DPP10: variants seen among roughly 807,000 people sequenced by gnomAD.
DPP10 encodes dipeptidyl peptidase like 10.
In DPP10, 33 loss-of-function variants were observed where a neutral mutation model predicts 120.9. The observed-to-expected ratio is 0.27, with a 90% confidence interval of 0.21 to 0.37. The LOEUF (loss-of-function observed/expected upper bound fraction) is 0.37. Among genes scored for constraint, DPP10 ranks in the 10% least tolerant of loss-of-function variants. The pLI, the probability that DPP10 is intolerant of heterozygous loss-of-function variation, is 1.00. For missense variants in DPP10, 816 were observed against 942.8 expected (o/e 0.87, Z 1.76); for synonymous variants, 337 against 326.1 (o/e 1.03, Z -0.36).
At chr2:115,464,869 A>G (rs776763533) in intron 3 of DPP10, among the ~76,000 whole-genome samples, 1 of 152,154 alleles carries the variant, frequency 6.6e-6, no homozygotes, top group Non-Finnish European at 1.5e-5. Flanking sequence ...TCTAAGGTTC[A>G]TACTTACTCA....
intron 1 of DPP10, among the ~76,000 whole-genome samples, chr2:114,899,447 C>A (rs2106634412): frequency 6.6e-6 from 1 of 152,134 alleles, no homozygotes; most frequent in East Asian, 1.9e-4. Context: ...CCTCCATGTG[C>A]CCCTTCTCAA....
intron 1 of DPP10, among the ~76,000 whole-genome samples, chr2:114,624,514 T>C (rs1694345297): frequency 6.6e-6 from 1 of 151,950 alleles, no homozygotes; most frequent in Admixed American, 6.6e-5. Context: ...TCAAACCCCA[T>C]CTGTCACTTA....
At chr2:115,830,587 G>T (rs1361957816) in intron 21 of DPP10, among the ~76,000 whole-genome samples, 2 of 152,114 alleles carry the variant, frequency 1.3e-5, no homozygotes, top group Non-Finnish European at 2.9e-5. Context: ...ATTTAGTTCA[G>T]TAAGGAGAGC....
intron 1 of DPP10, among the ~76,000 whole-genome samples, chr2:114,996,475 T>A (rs1440436158): frequency 6.6e-6 from 1 of 152,212 alleles, no homozygotes; most frequent in Non-Finnish European, 1.5e-5. Flanking sequence ...TACTAGAATA[T>A]AAAATTATAT....
At chr2:115,499,336 G>A (rs142509681) in intron 3 of DPP10, among the ~76,000 whole-genome samples, 174 bp from the exon 4 acceptor site, 8 of 152,090 alleles carry the variant, frequency 5.3e-5, no homozygotes, top group Admixed American at 1.3e-4. Context: ...TGTGTTAGGC[G>A]GGCTTCCTGA....
At chr2:115,274,125 A>G (rs774742241) in intron 1 of DPP10, among the ~76,000 whole-genome samples, 27 of 152,034 alleles carry the variant, frequency 1.8e-4, no homozygotes, top group Non-Finnish European at 3.4e-4. Context: ...GTGTGTCTAT[A>G]CCACTTTGGA....
chr2:115,358,529 C>G (rs1190669362), intron 3 of DPP10, among the ~76,000 whole-genome samples: 3 of 152,098 alleles, frequency 2.0e-5, no homozygotes, highest in Admixed American at 6.6e-5. Flanking sequence ...CTGGGAAGTT[C>G]CAAACTTTCC....
chr2:114,688,519 A>G (rs892030163), intron 1 of DPP10, among the ~76,000 whole-genome samples: 2 of 151,926 alleles, frequency 1.3e-5, no homozygotes, highest in Non-Finnish European at 2.9e-5. Flanking sequence ...GCTTCTTAGG[A>G]TGTTCTGATG....
intron 1 of DPP10, among the ~76,000 whole-genome samples, chr2:114,696,815 GCA>G (rs1700095760): frequency 6.6e-6 from 1 of 151,794 alleles, no homozygotes; most frequent in African/African-American, 2.4e-5. Flanking sequence ...CTTGAAAAAA[GCA>G]CCATGGTATC....
At chr2:114,681,865 G>C (rs1394071993) in intron 1 of DPP10, among the ~76,000 whole-genome samples, 1 of 151,902 alleles carries the variant, frequency 6.6e-6, no homozygotes, top group African/African-American at 2.4e-5. Flanking sequence ...GATCACTGTG[G>C]CATTTTGCTG....
intron 7 of DPP10, among the ~76,000 whole-genome samples, chr2:115,720,529 A>G (rs1482633479): frequency 6.6e-6 from 1 of 152,094 alleles, no homozygotes; most frequent in African/African-American, 2.4e-5. Context: ...ATGGAATTCA[A>G]GGTGTCTTAT....
At chr2:115,415,230 A>T (rs1166414804) in intron 3 of DPP10, among the ~76,000 whole-genome samples, 1 of 152,024 alleles carries the variant, frequency 6.6e-6, no homozygotes, top group African/African-American at 2.4e-5. Flanking sequence ...GCACCCGTTT[A>T]TCTGGCTGCG....
Position 115,689,918 on chromosome 2 carries a change from G to A in DPP10, c.573G>A (p.Gln191=). 1.2e-6 allele frequency: 2 copies of A among 1,613,842 alleles called. No homozygotes were observed. The highest frequency in any genetic ancestry group is 1.7e-6 in the Non-Finnish European group (2 of 1,179,900). Residue 191 remains glutamine (Q), a synonymous_variant, in exon 7 of 26, where the codon CAG becomes CAA. Coordinates refer to ENST00000410059, the MANE Select transcript of DPP10 (RefSeq NM_020868.6). The part of the protein sequence containing the change: ...QYAAWGVQGQ[Q]LIYIFENNIY... Reference sequence around the variant, plus strand: ...CGGCCTGGGGTGTCCAAGGGCAGCAGCTGGTAAGCGCAGGCATTGGTATGC... The same window carrying A: ...CGGCCTGGGGTGTCCAAGGGCAGCAACTGGTAAGCGCAGGCATTGGTATGC...
chr2:115,509,285 G>A, intron 4 of DPP10, among the ~76,000 whole-genome samples: 1 of 152,104 alleles, frequency 6.6e-6, no homozygotes, highest in Admixed American at 6.6e-5. Flanking sequence ...AGATTTGGAC[G>A]ATAATAATAA....
intron 3 of DPP10, among the ~76,000 whole-genome samples, chr2:115,493,953 A>G (rs965758165): frequency 1.3e-5 from 2 of 151,932 alleles, no homozygotes; most frequent in Admixed American, 6.6e-5. Context: ...CTTTTTATTT[A>G]TTTATTTATT....
intron 1 of DPP10, among the ~76,000 whole-genome samples, chr2:114,950,740 G>A (rs924050343): frequency 1.3e-5 from 2 of 152,196 alleles, no homozygotes; most frequent in Admixed American, 6.5e-5. Flanking sequence ...GAGCATGAAT[G>A]ATTTTGTCAA....
intron 10 of DPP10, among the ~76,000 whole-genome samples, chr2:115,751,583 C>G (rs1678715385): frequency 6.6e-6 from 1 of 152,136 alleles, no homozygotes; most frequent in Non-Finnish European, 1.5e-5. Flanking sequence ...TCAAGTTATG[C>G]TTGCCCTTCT....
chr2:115,222,818 A>G lies in DPP10; in HGVS notation c.61-86421A>G, dbSNP rs372961010. On this transcript the variant is annotated intron_variant, in intron 1 of 25. Transcript: ENST00000410059. ...GTCAGCATTAGTATCTAGATATCCTATTGCAAATTTGGGGCTCTTTTTATT... is the reference window on the plus strand; with the variant it reads ...GTCAGCATTAGTATCTAGATATCCTGTTGCAAATTTGGGGCTCTTTTTATT... Among the ~76,000 whole-genome samples the G allele has an allele frequency of 5.9e-5, 9 of 152,206 alleles. No homozygotes were observed. In the South Asian group the frequency reaches 1.5e-3, roughly 25 times the overall value.
At position 114,867,355 on chromosome 2, in the gene DPP10, T is replaced by C. The variant is rs547424184; in HGVS notation, c.60+424517T>C. ...CTTTGTTTGAAATCTTCATTTTAGTTTTCAGAAGATAATGCAATCAAAACT... is the reference window on the plus strand; with the variant it reads ...CTTTGTTTGAAATCTTCATTTTAGTCTTCAGAAGATAATGCAATCAAAACT... On this transcript the variant is annotated intron_variant, in intron 1 of 25. Transcript: ENST00000410059. Among the ~76,000 whole-genome samples, 8 of 152,318 alleles carry C rather than the reference T, an allele frequency of 5.3e-5. No individual in the cohort carries two copies. In the East Asian group the frequency reaches 1.5e-3, roughly 29 times the overall value.
Sources: allele counts gnomAD v4.1 joint callset (sites outside exome capture counted in the v4.1 genomes callset), GRCh38; gene constraint gnomAD v4.1.1; transcripts MANE v1.5; gene names NCBI Gene and HGNC (gene_info 2026-07-23, HGNC 2026-07-21).